QSER1: variants seen among roughly 807,000 people sequenced by gnomAD.
QSER1 encodes the protein glutamine and serine-rich protein 1.
A neutral mutation model predicts 158.5 loss-of-function variants in QSER1; 49 were observed. That is an observed-to-expected ratio of 0.31 (90% CI 0.25 to 0.39). The LOEUF is 0.39. Ranked by LOEUF, QSER1 falls within the 10% of genes least tolerant of loss-of-function variation. QSER1 has a pLI of 1.00. For synonymous variants in QSER1, 650 were observed against 715.5 expected (o/e 0.91, Z 1.46); for missense variants, 1,754 against 2,010.3 (o/e 0.87, Z 2.44).
chr11:32,901,128 T>C (rs903911538), intron 1 of QSER1, among the ~76,000 whole-genome samples: 4 of 152,234 alleles, frequency 2.6e-5, no homozygotes, highest in African/African-American at 9.6e-5. Flanking sequence ...TGCAGTATGA[T>C]CTTAGACAAG....
rs1429413757 is a variant in QSER1 at position 32,893,843 on chromosome 11, G to A, written c.209+509G>A. Among the ~76,000 whole-genome samples the A allele has an allele frequency of 6.6e-6, 1 of 152,132 alleles. No homozygotes were observed. The highest frequency in any genetic ancestry group is 1.5e-5 in the Non-Finnish European group (1 of 68,014). On this transcript the variant is annotated intron_variant, in intron 1 of 12. Coordinates refer to ENST00000650167, the MANE Select transcript of QSER1 (RefSeq NM_001076786.3). The surrounding 1 kb of genome is among the most constrained non-coding windows in gnomAD (Gnocchi z 4.7). ...ACACTGGGGGGCCCGGGAGGGCTGG[G>A]CTACGGGAGAATCCCCGGGGCGCAG...
Position 32,892,843 on chromosome 11 carries a change from G to GGCCGCCGCCGCC in QSER1, c.-275_-264dup, listed in dbSNP as rs562526200. Among the ~76,000 whole-genome samples the GGCCGCCGCCGCC allele has an allele frequency of 0.06, 8,756 of 144,792 alleles. 384 individuals are homozygous for GGCCGCCGCCGCC. Among genetic ancestry groups the GGCCGCCGCCGCC allele is most frequent in the Non-Finnish European group, 0.084 (5,481 of 65,470 alleles). 95.0% of individuals were successfully genotyped at this position (144,792 alleles called of 152,430 possible). A position where few individuals can be genotyped will look rare whatever the true frequency, so the allele number is the denominator to read the frequency against. On this transcript the variant is annotated 5_prime_UTR_variant, in exon 1 of 13. Coordinates refer to ENST00000650167, the MANE Select transcript of QSER1 (RefSeq NM_001076786.3). ...GAAATCCACCAACATGGGGCGCAGC[G>GGCCGCCGCCGCC]GCCGCCGCCGCCGCCGCCGTCGCCG... is the stretch of plus-strand genomic sequence containing the variant.
At position 32,977,214 on chromosome 11, in the gene QSER1, G is replaced by A. The variant is rs1355073367; in HGVS notation, c.*740G>A. The A allele has an allele frequency of 1.3e-5, 2 of 152,416 alleles. No homozygotes were observed. Among genetic ancestry groups the A allele is most frequent in the African/African-American group, 4.8e-5 (2 of 41,402 alleles). 9.4% of individuals were successfully genotyped at this position (152,416 alleles called of 1,614,324 possible). A position where few individuals can be genotyped will look rare whatever the true frequency, so the allele number is the denominator to read the frequency against. On this transcript the variant is annotated 3_prime_UTR_variant, in exon 13 of 13. Transcript: ENST00000650167. ...TGTACATTTTATTTCACTGATAGTT[G>A]TATTTTTCACAAGGAAAATGTTGTG...
chr11:32,901,685 G>A (rs925132318), intron 1 of QSER1, among the ~76,000 whole-genome samples: 3 of 152,178 alleles, frequency 2.0e-5, no homozygotes, highest in African/African-American at 7.2e-5. Flanking sequence ...CAAAGGTGTG[G>A]TTCATTGGGG....
chr11:32,940,293 A>G (rs1294852691), intron 4 of QSER1, among the ~76,000 whole-genome samples: 1 of 152,102 alleles, frequency 6.6e-6, no homozygotes, highest in Non-Finnish European at 1.5e-5. Context: ...CCAGAAAGTT[A>G]GGGTTTTTCT....
intron 1 of QSER1, among the ~76,000 whole-genome samples, chr11:32,908,010 G>A (rs984587181): frequency 2.0e-5 from 3 of 152,160 alleles, no homozygotes; most frequent in Non-Finnish European, 4.4e-5. Flanking sequence ...TGAGGCAGGA[G>A]AATCATTTGA....
intron 4 of QSER1, among the ~76,000 whole-genome samples, chr11:32,949,791 A>G (rs1434298209): frequency 1.3e-5 from 2 of 152,226 alleles, no homozygotes. Context: ...TGGGAAATGT[A>G]TAAATATATG....
At chr11:32,896,189 A>G (rs973668176) in intron 1 of QSER1, among the ~76,000 whole-genome samples, 1 of 152,202 alleles carries the variant, frequency 6.6e-6, no homozygotes, top group African/African-American at 2.4e-5. Flanking sequence ...AAGGTCATCA[A>G]GAGTCTGCAG....
At chr11:32,968,204 A>G (rs1852784276) in intron 9 of QSER1, among the ~76,000 whole-genome samples, 1 of 152,206 alleles carries the variant, frequency 6.6e-6, no homozygotes, top group Admixed American at 6.5e-5. Context: ...AACAGATTGA[A>G]TCACTAATAG....
intron 8 of QSER1, among the ~76,000 whole-genome samples, chr11:32,959,149 C>T (rs1852577270): frequency 6.6e-6 from 1 of 152,182 alleles, no homozygotes; most frequent in South Asian, 2.1e-4. Context: ...CAGACTGAAT[C>T]TGACCCTCAG....
chr11:32,968,824 A>T (rs1416872254), intron 9 of QSER1, among the ~76,000 whole-genome samples: 1 of 152,222 alleles, frequency 6.6e-6, no homozygotes, highest in Non-Finnish European at 1.5e-5. Flanking sequence ...TGCTCATCCC[A>T]TCATCATACT....
In QSER1 at chr11:32,932,009, G is replaced by A. The variant is rs964874778; in HGVS notation, c.751G>A (p.Val251Ile). Residue 251 changes from valine to isoleucine, a missense_variant, in exon 4 of 13, where the codon GTA (valine) becomes ATA (isoleucine). By Grantham distance (29) the Val-to-Ile change is conservative (BLOSUM62 3). Around this residue, in one of 2 missense-constraint regions of QSER1, gnomAD observed 1,707 missense variants for 1,919.6 expected, o/e 0.89. Transcript: ENST00000650167. ...ALAFERLGSS[V>I]LSNSIPPQSS... ...GGCATTTGAGCGCCTGGGCAGTTCTGTATTAAGTAACAGCATACCACCTCA... is the reference window on the plus strand; with the variant it reads ...GGCATTTGAGCGCCTGGGCAGTTCTATATTAAGTAACAGCATACCACCTCA... The A allele has an allele frequency of 5.0e-6, 8 of 1,614,118 alleles. No homozygotes were observed. The African/African-American group carries it at 1.1e-4, about 22-fold the overall frequency.
Position 32,931,880 on chromosome 11 carries a change from G to T in QSER1, c.622G>T (p.Val208Leu). Residue 208 changes from valine (V) to leucine (L), a missense_variant, in exon 4 of 13, where the codon GTG becomes TTG. Val to Leu is a conservative substitution (Grantham distance 32). Coordinates refer to ENST00000650167, the MANE Select transcript of QSER1 (RefSeq NM_001076786.3). ...AAACTTTGCTACCACTTCACCTTTG[G>T]TGCTTCAGGATTCAACTTTTAACAC... is the stretch of plus-strand genomic sequence containing the variant. ...NRNFATTSPL[V>L]LQDSTFNTTS... The T allele has an allele frequency of 6.2e-7, 1 of 1,614,110 alleles. No homozygotes were observed. Among genetic ancestry groups the T allele is most frequent in the Non-Finnish European group, 8.5e-7 (1 of 1,180,024 alleles).
At chr11:32,949,076 C>A (rs962078969) in intron 4 of QSER1, among the ~76,000 whole-genome samples, 3 of 152,048 alleles carry the variant, frequency 2.0e-5, no homozygotes, top group Non-Finnish European at 4.4e-5. Context: ...ATATTTAATT[C>A]TATCATCATT....
chr11:32,893,711 G>C lies in QSER1; in HGVS notation c.209+377G>C, dbSNP rs1851516599. Among the ~76,000 whole-genome samples the C allele has an allele frequency of 6.6e-6, 1 of 152,218 alleles. No individual in the cohort carries two copies. Among genetic ancestry groups the C allele is most frequent in the Non-Finnish European group, 1.5e-5 (1 of 68,050 alleles). On this transcript the variant is annotated intron_variant, in intron 1 of 12. Coordinates refer to ENST00000650167, the MANE Select transcript of QSER1 (RefSeq NM_001076786.3). This position sits in a 1 kb window ranked among gnomAD's most constrained non-coding sequence, Gnocchi z 4.7. ...GCGCCGGAGAGTTTGGGGCAGTGGCGATCCATTGTATTGGAACCTGGGTGG... is the reference window on the plus strand; with the variant it reads ...GCGCCGGAGAGTTTGGGGCAGTGGCCATCCATTGTATTGGAACCTGGGTGG...
intron 10 of QSER1, among the ~76,000 whole-genome samples, chr11:32,970,628 C>T (rs1306253501): frequency 6.6e-6 from 1 of 152,158 alleles, no homozygotes; most frequent in Non-Finnish European, 1.5e-5. Context: ...TGGTCTCGAA[C>T]TCCTGACTTC....
intron 4 of QSER1, among the ~76,000 whole-genome samples, chr11:32,952,813 T>C (rs1852445825): frequency 6.6e-6 from 1 of 151,088 alleles, no homozygotes; most frequent in Non-Finnish European, 1.5e-5. Flanking sequence ...CTTTTTTTTT[T>C]TTTTTTTCCT....
chr11:32,975,560 C>G, intron 12 of QSER1: 6 of 1,381,814 alleles, frequency 4.3e-6, no homozygotes, highest in Non-Finnish European at 5.7e-6. Flanking sequence ...CTTGTAGGAG[C>G]TATAATTGGT....
intron 9 of QSER1, 36 bp from the exon 10 acceptor site, chr11:32,969,010 G>C (rs1304904434): frequency 9.1e-7 from 1 of 1,096,878 alleles, no homozygotes; most frequent in Non-Finnish European, 1.3e-6. Flanking sequence ...AATATTTATT[G>C]ATAGTTTATC....
Sources: allele counts gnomAD v4.1 joint callset (sites outside exome capture counted in the v4.1 genomes callset), GRCh38; gene constraint gnomAD v4.1.1; regional missense constraint gnomAD v4.1.1; non-coding constraint Gnocchi (gnomAD v3.1); transcripts MANE v1.5; gene names NCBI Gene and HGNC (gene_info 2026-07-23, HGNC 2026-07-21).